The following EXOC4 variants were observed in gnomAD, a reference collection of about 807,000 sequenced individuals.
The protein encoded by EXOC4 is SEC8-like 1.
In EXOC4, 71 loss-of-function variants were observed where a neutral mutation model predicts 107.2. That is an observed-to-expected ratio of 0.66 (90% CI 0.55 to 0.81). The LOEUF (loss-of-function observed/expected upper bound fraction) is 0.81. EXOC4 is among the 30% of genes least tolerant of loss of function. The pLI is 0.00. For synonymous variants in EXOC4, 456 were observed against 441.2 expected (o/e 1.03, Z -0.42); for missense variants, 1,108 against 1,189.6 (o/e 0.93, Z 1.01).
chr7:134,047,494 G>A (rs951188330), intron 17 of EXOC4, among the ~76,000 whole-genome samples: 1 of 152,038 alleles, frequency 6.6e-6, no homozygotes, highest in South Asian at 2.1e-4. Context: ...TTATCCTATT[G>A]TATGTCATTC....
chr7:133,455,991 G>A (rs1798454816), intron 7 of EXOC4, among the ~76,000 whole-genome samples: 1 of 152,186 alleles, frequency 6.6e-6, no homozygotes, highest in Non-Finnish European at 1.5e-5. Context: ...TGAGCTGTTT[G>A]TCTCCTTCCA....
chr7:134,076,373 C>T, the EXOC4 span, among the ~76,000 whole-genome samples: 1 of 152,116 alleles, frequency 6.6e-6, no homozygotes, highest in Admixed American at 6.6e-5. Context: ...GAAAAATTAG[C>T]TGGGCGTGGT....
At chr7:133,354,194 A>G (rs1449081681) in intron 5 of EXOC4, among the ~76,000 whole-genome samples, 3 of 150,998 alleles carry the variant, frequency 2.0e-5, no homozygotes, top group Non-Finnish European at 4.4e-5. Flanking sequence ...TTGCCTCTCT[A>G]TTTCTATGCT....
At chr7:133,670,129 G>GTCTC (rs1020795860) in intron 10 of EXOC4, among the ~76,000 whole-genome samples, 1 of 152,118 alleles carries the variant, frequency 6.6e-6, no homozygotes, top group African/African-American at 2.4e-5. Context: ...AATTTGAAGT[G>GTCTC]TCTCGTTTAA....
At chr7:133,805,536 T>G (rs1252106156) in intron 10 of EXOC4, among the ~76,000 whole-genome samples, 5 of 152,130 alleles carry the variant, frequency 3.3e-5, no homozygotes, top group African/African-American at 1.2e-4. Flanking sequence ...GACAGATACC[T>G]CCATAGCAGA....
chr7:133,837,388 CAA>C (rs1202328036), intron 11 of EXOC4, among the ~76,000 whole-genome samples: 1 of 152,018 alleles, frequency 6.6e-6, no homozygotes, highest in African/African-American at 2.4e-5. Flanking sequence ...GGCAGTGCTC[CAA>C]AAAAGACCAT....
At chr7:133,915,455 A>G (rs1422568619) in intron 12 of EXOC4, among the ~76,000 whole-genome samples, 1 of 152,212 alleles carries the variant, frequency 6.6e-6, no homozygotes, top group Non-Finnish European at 1.5e-5. Flanking sequence ...GAAAGTATGT[A>G]ATTAGATCCC....
At chr7:133,509,169 C>T (rs1799720007) in intron 9 of EXOC4, among the ~76,000 whole-genome samples, 1 of 152,156 alleles carries the variant, frequency 6.6e-6, no homozygotes, top group Admixed American at 6.5e-5. Flanking sequence ...TGGCTCACGC[C>T]TGTAATCCCA....
chr7:133,919,713 T>C (rs1799895554), intron 13 of EXOC4, among the ~76,000 whole-genome samples: 1 of 152,204 alleles, frequency 6.6e-6, no homozygotes, highest in African/African-American at 2.4e-5. Flanking sequence ...TATTTTGTGG[T>C]ATTATTGCTC....
chr7:134,033,102 G>A (rs1795304611), intron 17 of EXOC4, among the ~76,000 whole-genome samples: 1 of 152,132 alleles, frequency 6.6e-6, no homozygotes, highest in Non-Finnish European at 1.5e-5. Context: ...AATGGATAAA[G>A]TAGTTGGGGA....
At chr7:133,348,163 G>A (rs1402779321) in intron 5 of EXOC4, among the ~76,000 whole-genome samples, 1 of 152,084 alleles carries the variant, frequency 6.6e-6, no homozygotes, top group Non-Finnish European at 1.5e-5. Flanking sequence ...AGGGTTTTGT[G>A]ATATTAGACT....
intron 7 of EXOC4, among the ~76,000 whole-genome samples, chr7:133,450,007 T>C (rs972187682): frequency 6.6e-6 from 1 of 152,112 alleles, no homozygotes; most frequent in African/African-American, 2.4e-5. Context: ...ACAATTCTTC[T>C]CTTTCCCTTG....
intron 10 of EXOC4, among the ~76,000 whole-genome samples, chr7:133,698,682 C>T (rs1285251564): frequency 6.6e-6 from 1 of 151,954 alleles, no homozygotes; most frequent in Non-Finnish European, 1.5e-5. Flanking sequence ...AAACAGCAAC[C>T]TATATTCAGT....
chr7:133,594,513 T>TTTTTTTTTTTTAAG, intron 9 of EXOC4, among the ~76,000 whole-genome samples: 2 of 136,630 alleles, frequency 1.5e-5, no homozygotes, highest in African/African-American at 5.5e-5. Context: ...TTTTTTTTTT[T>TTTTTTTTTTTTAAG]GAGACGGAGT....
intron 5 of EXOC4, 145 bp downstream of exon 5, chr7:133,317,535 C>T (rs1584805679): frequency 3.3e-6 from 2 of 607,326 alleles, no homozygotes; most frequent in Admixed American, 2.9e-5. Context: ...GTGATGAGCC[C>T]TTTGCAACCT....
At chr7:133,741,356 T>G (rs1281407783) in intron 10 of EXOC4, among the ~76,000 whole-genome samples, 2 of 152,192 alleles carry the variant, frequency 1.3e-5, no homozygotes, top group Non-Finnish European at 2.9e-5. Context: ...GCTCTCCTGC[T>G]GATTATTTGA....
At chr7:133,318,548 T>A (rs115120964) in intron 5 of EXOC4, among the ~76,000 whole-genome samples, 1 of 152,204 alleles carries the variant, frequency 6.6e-6, no homozygotes, top group Admixed American at 6.5e-5. Context: ...TCTTTTCAGA[T>A]AAAAATTAGT....
At chr7:133,881,921 T>C (rs1258520225) in intron 11 of EXOC4, among the ~76,000 whole-genome samples, 1 of 152,184 alleles carries the variant, frequency 6.6e-6, no homozygotes, top group Admixed American at 6.5e-5. Flanking sequence ...TAACAATGGT[T>C]GGAAATAAAT....
intron 14 of EXOC4, among the ~76,000 whole-genome samples, chr7:133,964,046 G>A (rs554538049): frequency 3.9e-5 from 6 of 152,054 alleles, no homozygotes; most frequent in African/African-American, 1.2e-4. Context: ...TATTATGTAT[G>A]TATGCCCCTG....
Sources: gnomAD v4.1 joint callset for allele counts (sites outside exome capture counted in the v4.1 genomes callset) on GRCh38, gnomAD v4.1.1 for gene constraint, MANE v1.5 for transcripts, NCBI Gene and HGNC (gene_info 2026-07-23, HGNC 2026-07-21) for gene names.